SUCNR1: variants seen among roughly 807,000 people sequenced by gnomAD.
SUCNR1 encodes succinate receptor 1, also known as G-protein coupled receptor 91.
SUCNR1 carries 5 observed loss-of-function variants against 2.4 expected under a neutral mutation model. That is an observed-to-expected ratio of 2.07 (90% CI 1.08 to 4.36). SUCNR1 has a LOEUF of 4.36. SUCNR1 is among the 30% of genes most tolerant of loss of function. The pLI, the probability that SUCNR1 is intolerant of heterozygous loss-of-function variation, is 0.00. For synonymous variants in SUCNR1, 162 were observed against 143.9 expected (o/e 1.13, Z -0.90); for missense variants, 373 against 399.2 (o/e 0.93, Z 0.56).
In SUCNR1 at chr3:151,884,087, T is replaced by C. The variant is rs1464713143; in HGVS notation, c.*2539T>C. ...CTTCAGATACTTTTAATACTACTTATTTGAATTTCATTATTTTTATTATAG... is the reference window on the plus strand; with the variant it reads ...CTTCAGATACTTTTAATACTACTTACTTGAATTTCATTATTTTTATTATAG... On this transcript the variant is annotated 3_prime_UTR_variant, in exon 3 of 3. Coordinates refer to ENST00000362032, the MANE Select transcript of SUCNR1 (RefSeq NM_033050.6). 3.3e-5 allele frequency: 5 copies of C among 152,232 alleles called. No homozygotes were observed. Among genetic ancestry groups the C allele is most frequent in the Non-Finnish European group, 7.3e-5 (5 of 68,042 alleles). 9.4% of individuals were successfully genotyped at this position (152,232 alleles called of 1,614,324 possible).
In SUCNR1 at chr3:151,873,717, T is replaced by C. The variant is rs893226297; in HGVS notation, c.-42+11T>C. ...TCTTCCAACAGAATGGTAAGCTACA[T>C]GGCAAATTGTGCCTCTCAGTGTATA... On this transcript the variant is annotated intron_variant, in intron 1 of 2. Coordinates refer to ENST00000362032, the MANE Select transcript of SUCNR1 (RefSeq NM_033050.6). 1.3e-5 allele frequency: 2 copies of C among 152,624 alleles called. No homozygotes were observed. Among genetic ancestry groups the C allele is most frequent in the Non-Finnish European group, 2.9e-5 (2 of 68,032 alleles). 9.5% of individuals were successfully genotyped at this position (152,624 alleles called of 1,614,324 possible).
Position 151,880,820 on chromosome 3 carries a change from G to C in SUCNR1, c.277G>C (p.Val93Leu). Residue 93 changes from valine (V) to leucine (L), a missense_variant, in exon 3 of 3, where the codon GTG becomes CTG. Coordinates refer to ENST00000362032, the MANE Select transcript of SUCNR1 (RefSeq NM_033050.6). ...YANGNWIYGD[V>L]LCISNRYVLH... ...CAATGGAAACTGGATATATGGAGAC[G>C]TGCTCTGCATAAGCAACCGATATGT... 1 of 1,614,128 alleles carries C rather than the reference G, an allele frequency of 6.2e-7. No homozygotes were observed. Among genetic ancestry groups the C allele is most frequent in the Non-Finnish European group, 8.5e-7 (1 of 1,180,010 alleles).
At position 151,880,863 on chromosome 3, in the gene SUCNR1, A is replaced by G; in HGVS notation, c.320A>G (p.Tyr107Cys). 6.2e-7 allele frequency: 1 copy of G among 1,614,126 alleles called. No individual in the cohort carries two copies. The highest frequency in any genetic ancestry group is 1.1e-5 in the South Asian group (1 of 91,086). The change falls in exon 3 of 3, where the codon TAT (tyrosine) becomes TGT (cysteine). Residue 107 changes from tyrosine (Y) to cysteine (C), a missense_variant. This residue lies in a region of SUCNR1 where 184 missense variants were observed against 162.2 expected (regional missense o/e 1.13). Coordinates refer to ENST00000362032, the MANE Select transcript of SUCNR1 (RefSeq NM_033050.6). ...SNRYVLHANL[Y>C]TSILFLTFIS... The stretch of plus-strand genomic sequence containing the variant: ...CGATATGTGCTTCATGCCAACCTCT[A>G]TACCAGCATTCTCTTTCTCACTTTT...
intron 1 of SUCNR1, among the ~76,000 whole-genome samples, chr3:151,874,317 A>G (rs1426187329): frequency 6.6e-6 from 1 of 150,644 alleles, no homozygotes; most frequent in Non-Finnish European, 1.5e-5. Context: ...TAGGATTACA[A>G]GCGCCCACCA....
chr3:151,881,689 T>C lies in SUCNR1; in HGVS notation c.*141T>C. 1 of 764,750 alleles carries C rather than the reference T, an allele frequency of 1.3e-6. No homozygotes were observed. Among genetic ancestry groups the C allele is most frequent in the Non-Finnish European group, 2.1e-6 (1 of 487,160 alleles). The allele number at this position is 764,750 out of a possible 1,614,324, so 47.4% of individuals were successfully genotyped here. A position where few individuals can be genotyped will look rare whatever the true frequency, so the allele number is the denominator to read the frequency against. ...TTGTACCCAGAGTATGTGAAAAGAATGGGACGACAAGAATGTACTGGTTTC... is the reference window on the plus strand; with the variant it reads ...TTGTACCCAGAGTATGTGAAAAGAACGGGACGACAAGAATGTACTGGTTTC... On this transcript the variant is annotated 3_prime_UTR_variant, in exon 3 of 3. Coordinates refer to ENST00000362032, the MANE Select transcript of SUCNR1 (RefSeq NM_033050.6).
At position 151,882,767 on chromosome 3, in the gene SUCNR1, G is replaced by T. The variant is rs1442309872; in HGVS notation, c.*1219G>T. ...CCTGTATTATCCCAGGAGGGTTAATGAGGCCCCATTTCCTGCACAAAACAA... is the reference window on the plus strand; with the variant it reads ...CCTGTATTATCCCAGGAGGGTTAATTAGGCCCCATTTCCTGCACAAAACAA... On this transcript the variant is annotated 3_prime_UTR_variant, in exon 3 of 3. Coordinates refer to ENST00000362032, the MANE Select transcript of SUCNR1 (RefSeq NM_033050.6). 5.9e-5 allele frequency: 9 copies of T among 152,110 alleles called. No individual in the cohort carries two copies. The highest frequency in any genetic ancestry group is 1.3e-4 in the Non-Finnish European group (9 of 67,972). The allele number at this position is 152,110 out of a possible 1,614,324, so 9.4% of individuals were successfully genotyped here.
Position 151,881,364 on chromosome 3 carries a change from A to C in SUCNR1, c.821A>C (p.Asn274Thr). 1.9e-6 allele frequency: 3 copies of C among 1,613,820 alleles called. No homozygotes were observed. Among genetic ancestry groups the C allele is most frequent in the Non-Finnish European group, 2.5e-6 (3 of 1,179,976 alleles). The change falls in exon 3 of 3, where the codon AAC (asparagine) becomes ACC (threonine). Residue 274 changes from asparagine to threonine, a missense_variant. Physicochemically the swap from Asn to Thr is moderately conservative, Grantham distance 65 (BLOSUM62 0). Around this residue, in one of 3 missense-constraint regions of SUCNR1, gnomAD observed 157 missense variants for 178.7 expected, o/e 0.88. Transcript: ENST00000362032. Reference sequence around the variant, plus strand: ...TATCAGTGCACTCAGGTCGTCATCAACTCCTTTTACATTGTGACACGGCCT... The same window carrying C: ...TATCAGTGCACTCAGGTCGTCATCACCTCCTTTTACATTGTGACACGGCCT... Reference protein sequence around the residue: ...KQYQCTQVVINSFYIVTRPLA... With the variant: ...KQYQCTQVVITSFYIVTRPLA...
rs921429422 is a variant in SUCNR1 at position 151,884,425 on chromosome 3, C to A, written c.*2877C>A. On this transcript the variant is annotated 3_prime_UTR_variant, in exon 3 of 3. Coordinates refer to ENST00000362032, the MANE Select transcript of SUCNR1 (RefSeq NM_033050.6). ...ATCTTGGAGTTGGTCTTCATTGGTG[C>A]CTTTTCTCTTCAGTATGAGTCATAA... is the stretch of plus-strand genomic sequence containing the variant. 3 of 152,020 alleles carry A rather than the reference C, an allele frequency of 2.0e-5. No individual in the cohort carries two copies. The highest frequency in any genetic ancestry group is 4.4e-5 in the Non-Finnish European group (3 of 68,014). 9.4% of individuals were successfully genotyped at this position (152,020 alleles called of 1,614,324 possible). A position where few individuals can be genotyped will look rare whatever the true frequency, so the allele number is the denominator to read the frequency against.
At chr3:151,875,705 C>G (rs1208326406) in intron 1 of SUCNR1, among the ~76,000 whole-genome samples, 1 of 152,174 alleles carries the variant, frequency 6.6e-6, no homozygotes, top group South Asian at 2.1e-4. Flanking sequence ...TAATTTTACA[C>G]ATACATTTTT....
At chr3:151,875,547 T>C (rs891545982) in intron 1 of SUCNR1, among the ~76,000 whole-genome samples, 14 of 152,030 alleles carry the variant, frequency 9.2e-5, no homozygotes, top group Non-Finnish European at 1.9e-4. Flanking sequence ...TTATAAAACA[T>C]CATAAAAAAA....
rs1201980351 is a variant in SUCNR1, at chr3:151,882,120, G to A, written c.*572G>A. ...TTGTAATTTATCTAACCTTTTTGTTGTATGGGTTTATAGTGGAAAGAATCT... is the reference window on the plus strand; with the variant it reads ...TTGTAATTTATCTAACCTTTTTGTTATATGGGTTTATAGTGGAAAGAATCT... On this transcript the variant is annotated 3_prime_UTR_variant, in exon 3 of 3. Transcript: ENST00000362032. The A allele has an allele frequency of 6.6e-6, 1 of 152,008 alleles. No individual in the cohort carries two copies. Among genetic ancestry groups the A allele is most frequent in the Non-Finnish European group, 1.5e-5 (1 of 68,002 alleles). 9.4% of individuals were successfully genotyped at this position (152,008 alleles called of 1,614,324 possible). A position where few individuals can be genotyped will look rare whatever the true frequency, so the allele number is the denominator to read the frequency against.
chr3:151,878,381 G>T (rs966898079), intron 1 of SUCNR1, among the ~76,000 whole-genome samples: 1 of 152,084 alleles, frequency 6.6e-6, no homozygotes, highest in Non-Finnish European at 1.5e-5. Flanking sequence ...AAGAAATAAT[G>T]GTACCATGGG....
In SUCNR1 at chr3:151,881,176, T is replaced by A; in HGVS notation, c.633T>A (p.Ala211=). ...FVMCFFYYKI[A]LFLKQRNRQV... ...TGTGTTTCTTTTATTACAAGATTGC[T>A]CTCTTCCTAAAGCAGAGGAATAGGC... The change falls in exon 3 of 3, where the codon GCT becomes GCA. Residue 211 remains alanine, a synonymous_variant. Transcript: ENST00000362032. 1 of 1,614,172 alleles carries A rather than the reference T, an allele frequency of 6.2e-7. No individual in the cohort carries two copies. The highest frequency in any genetic ancestry group is 8.5e-7 in the Non-Finnish European group (1 of 1,180,026).
chr3:151,877,977 G>A (rs1717972403), intron 1 of SUCNR1, among the ~76,000 whole-genome samples: 5 of 152,174 alleles, frequency 3.3e-5, no homozygotes, highest in Admixed American at 1.3e-4. Context: ...CAACCAGGGA[G>A]AAAGAAGGGA....
chr3:151,881,151 T>A lies in SUCNR1; in HGVS notation c.608T>A (p.Met203Lys), dbSNP rs1718083767. 1 of 1,614,068 alleles carries A rather than the reference T, an allele frequency of 6.2e-7. No homozygotes were observed. Among genetic ancestry groups the A allele is most frequent in the Admixed American group, 1.7e-5 (1 of 59,992 alleles). ...LLGFLIPLFV[M>K]CFFYYKIALF... is the part of the protein sequence containing the mutation. ...GGGTTCCTTATTCCTCTTTTTGTGATGTGTTTCTTTTATTACAAGATTGCT... is the reference window on the plus strand; with the variant it reads ...GGGTTCCTTATTCCTCTTTTTGTGAAGTGTTTCTTTTATTACAAGATTGCT... Residue 203 changes from methionine to lysine, a missense_variant, in exon 3 of 3, where the codon ATG becomes AAG. Physicochemically the swap from Met to Lys is moderately conservative, Grantham distance 95. This residue lies in a region of SUCNR1 where 157 missense variants were observed against 178.7 expected (regional missense o/e 0.88). Coordinates refer to ENST00000362032, the MANE Select transcript of SUCNR1 (RefSeq NM_033050.6).
intron 1 of SUCNR1, among the ~76,000 whole-genome samples, chr3:151,879,579 T>G (rs1435631330): frequency 6.6e-6 from 1 of 152,186 alleles, no homozygotes; most frequent in Non-Finnish European, 1.5e-5. Flanking sequence ...ATCTTGGACT[T>G]TTCAGTCTAT....
intron 2 of SUCNR1, 55 bp downstream of exon 2, chr3:151,879,962 A>G (rs1162168035): frequency 4.3e-6 from 6 of 1,395,704 alleles, no homozygotes; most frequent in Non-Finnish European, 4.9e-6. Context: ...TTATTTTATC[A>G]TACGTTCCCT....
At chr3:151,875,310 G>C (rs1051963184) in intron 1 of SUCNR1, among the ~76,000 whole-genome samples, 3 of 151,752 alleles carry the variant, frequency 2.0e-5, no homozygotes, top group African/African-American at 7.3e-5. Context: ...TCTTTAATTG[G>C]GAGTTTTGCT....
intron 2 of SUCNR1, 77 bp from the exon 3 acceptor site, chr3:151,880,482 T>C (rs919485099): frequency 4.6e-6 from 5 of 1,076,044 alleles, no homozygotes; most frequent in Non-Finnish European, 6.8e-6. Flanking sequence ...TGTTTTTCAT[T>C]ATTATTATGT....
Sources: gnomAD v4.1 joint callset for allele counts (sites outside exome capture counted in the v4.1 genomes callset) on GRCh38, gnomAD v4.1.1 for gene constraint, gnomAD v4.1.1 regional missense constraint, MANE v1.5 for transcripts, NCBI Gene and HGNC (gene_info 2026-07-23, HGNC 2026-07-21) for gene names.